The following NXPE2 variants were observed in gnomAD, a reference collection of about 807,000 sequenced individuals.
NXPE2 encodes neurexophilin and PC-esterase domain family member 2, also known as NXPE family member 2.
Under a neutral mutation model 34.4 loss-of-function variants are expected in NXPE2, and 34 were observed. The ratio of observed to expected loss-of-function variants is 0.99; its 90% CI spans 0.75 to 1.31. NXPE2 has a LOEUF of 1.31. Ranked by LOEUF, NXPE2 falls within the 40% of genes most tolerant of loss-of-function variation. NXPE2 has a pLI of 0.00. For missense variants in NXPE2, 649 were observed against 672.5 expected, an observed-to-expected ratio of 0.97 and a Z score of 0.39; for synonymous variants, 235 against 231.3, an observed-to-expected ratio of 1.02 and a Z score of -0.15.
At chr11:114,600,215 C>T in the NXPE2 span, among the ~76,000 whole-genome samples, 2 of 152,110 alleles carry the variant, frequency 1.3e-5, no homozygotes. Context: ...AATCAATGAA[C>T]ATCTGCTTAC....
chr11:114,683,425 G>T (rs202233856), intron 2 of NXPE2, among the ~76,000 whole-genome samples: 1 of 144,622 alleles, frequency 6.9e-6, no homozygotes. Flanking sequence ...TAGAGTCAAA[G>T]TTTTTTTTTT....
intron 3 of NXPE2, among the ~76,000 whole-genome samples, chr11:114,702,990 A>T (rs1463294654): frequency 6.6e-6 from 1 of 152,156 alleles, no homozygotes; most frequent in African/African-American, 2.4e-5. Flanking sequence ...ATTCCGATAG[A>T]GTGAATTCAA....
the NXPE2 span, among the ~76,000 whole-genome samples, chr11:114,653,591 G>T: frequency 7.3e-6 from 1 of 137,190 alleles, no homozygotes; most frequent in South Asian, 2.4e-4. Flanking sequence ...GCAGTGGCAC[G>T]ATCTCGGCTC....
chr11:114,600,599 T>C, the NXPE2 span, among the ~76,000 whole-genome samples: 4 of 152,220 alleles, frequency 2.6e-5, no homozygotes, highest in East Asian at 1.9e-4. Context: ...TGAAAAACCA[T>C]GTAAGACTAA....
the NXPE2 span, among the ~76,000 whole-genome samples, chr11:114,637,374 G>T: frequency 6.6e-6 from 1 of 151,940 alleles, no homozygotes; most frequent in African/African-American, 2.4e-5. Context: ...TGTGAGATGG[G>T]TTTCCTGAAT....
At chr11:114,586,180 C>A in the NXPE2 span, among the ~76,000 whole-genome samples, 1 of 152,192 alleles carries the variant, frequency 6.6e-6, no homozygotes, top group African/African-American at 2.4e-5. Flanking sequence ...CCAAAAGACC[C>A]ACTTAAATCC....
chr11:114,668,459 A>G, the NXPE2 span, among the ~76,000 whole-genome samples: 1 of 151,922 alleles, frequency 6.6e-6, no homozygotes, highest in Non-Finnish European at 1.5e-5. Context: ...AGAAACAAGC[A>G]AACAAAAATT....
At chr11:114,599,260 C>T in the NXPE2 span, among the ~76,000 whole-genome samples, 9 of 152,232 alleles carry the variant, frequency 5.9e-5, no homozygotes, top group Middle Eastern at 6.8e-3. Flanking sequence ...ACCTTTACTC[C>T]GATTCCCAGT....
chr11:114,798,098 T>C, the NXPE2 span, among the ~76,000 whole-genome samples: 1 of 152,212 alleles, frequency 6.6e-6, no homozygotes, highest in African/African-American at 2.4e-5. Context: ...CTTATTTATA[T>C]ATATATCTAA....
chr11:114,678,466 C>G, upstream of NXPE2: 1 of 835,996 alleles, frequency 1.2e-6, no homozygotes, highest in African/African-American at 1.7e-5. Flanking sequence ...AGGATGTCAG[C>G]TTTTGATCAA....
At chr11:114,515,580 A>G in the NXPE2 span, among the ~76,000 whole-genome samples, 1 of 152,190 alleles carries the variant, frequency 6.6e-6, no homozygotes, top group Non-Finnish European at 1.5e-5. Flanking sequence ...TGGAACCAGA[A>G]GGGATCTGAT....
At chr11:114,686,321 A>T (rs1228773651) in intron 2 of NXPE2, among the ~76,000 whole-genome samples, 1 of 151,974 alleles carries the variant, frequency 6.6e-6, no homozygotes, top group African/African-American at 2.4e-5. Context: ...CTTTGGGTCC[A>T]TGTGTATCCA....
At chr11:114,547,438 A>C in the NXPE2 span, among the ~76,000 whole-genome samples, 1 of 152,208 alleles carries the variant, frequency 6.6e-6, no homozygotes, top group Non-Finnish European at 1.5e-5. Context: ...AGAAGTGACA[A>C]TGAAATATAA....
At chr11:114,604,320 A>C in the NXPE2 span, among the ~76,000 whole-genome samples, 1 of 150,322 alleles carries the variant, frequency 6.7e-6, no homozygotes, top group Non-Finnish European at 1.5e-5. Flanking sequence ...ACCCTGTGGA[A>C]AATAAGTGTT....
chr11:114,486,646 G>T, the NXPE2 span, among the ~76,000 whole-genome samples: 1 of 152,042 alleles, frequency 6.6e-6, no homozygotes, highest in African/African-American at 2.4e-5. Context: ...AGATTTAAAT[G>T]TTTAATCCAT....
chr11:114,613,078 G>T, the NXPE2 span, among the ~76,000 whole-genome samples: 2 of 151,648 alleles, frequency 1.3e-5, no homozygotes, highest in South Asian at 2.1e-4. Context: ...ACTGTTACCC[G>T]GTGGATAATA....
At chr11:114,467,892 T>A in the NXPE2 span, among the ~76,000 whole-genome samples, 1 of 152,008 alleles carries the variant, frequency 6.6e-6, no homozygotes, top group South Asian at 2.1e-4. Flanking sequence ...GCCGAGATTG[T>A]GTCACTGCAT....
chr11:114,606,238 T>C, the NXPE2 span, among the ~76,000 whole-genome samples: 18 of 151,324 alleles, frequency 1.2e-4, no homozygotes, highest in Non-Finnish European at 1.9e-4. Context: ...CACTGTTACC[T>C]GCTGGATAAC....
At chr11:114,662,988 C>T in the NXPE2 span, among the ~76,000 whole-genome samples, 2 of 152,200 alleles carry the variant, frequency 1.3e-5, no homozygotes. Flanking sequence ...GAGCAACAAG[C>T]AGCCTCTTGA....
Sources: allele counts gnomAD v4.1 joint callset (sites outside exome capture counted in the v4.1 genomes callset), GRCh38; gene constraint gnomAD v4.1.1; transcripts MANE v1.5; gene names NCBI Gene and HGNC (gene_info 2026-07-23, HGNC 2026-07-21).